FSHR: variants seen among roughly 807,000 people sequenced by gnomAD.
FSHR encodes the protein follicle stimulating hormone receptor, also known as follicle-stimulating hormone receptor.
A neutral mutation model predicts 52.1 loss-of-function variants in FSHR; 46 were observed. The ratio of observed to expected loss-of-function variants is 0.88; its 90% CI spans 0.70 to 1.13. The LOEUF is 1.13. FSHR is among the 50% of genes most tolerant of loss of function. The probability of loss-of-function intolerance (pLI) is 0.00; values close to 1 mark genes in which losing one functional copy is unlikely to be tolerated. For missense variants in FSHR, 964 were observed against 834.6 expected (o/e 1.16, Z -1.91); for synonymous variants, 399 against 309.6 (o/e 1.29, Z -3.03).
At chr2:48,990,543 A>C (rs756541653) in intron 5 of FSHR, 23 bp downstream of exon 5, 1 of 1,484,662 alleles carries the variant, frequency 6.7e-7, no homozygotes, top group South Asian at 1.1e-5. Flanking sequence ...AAGAGTTGGT[A>C]GTCACTCAAG....
chr2:49,150,394 C>T (rs145499539), intron 1 of FSHR, among the ~76,000 whole-genome samples: 3 of 152,076 alleles, frequency 2.0e-5, no homozygotes, highest in African/African-American at 7.2e-5. Context: ...TCTTGACTGA[C>T]TTGGTCCTCA....
intron 1 of FSHR, among the ~76,000 whole-genome samples, chr2:49,104,857 G>T (rs1177338352): frequency 6.6e-6 from 1 of 151,712 alleles, no homozygotes; most frequent in Non-Finnish European, 1.5e-5. Context: ...GGAAAGAGAT[G>T]GGGGGAGGGG....
At chr2:49,090,148 TGTGTGC>T (rs1670551063) in intron 1 of FSHR, among the ~76,000 whole-genome samples, 2 of 147,120 alleles carry the variant, frequency 1.4e-5, no homozygotes, top group Non-Finnish European at 3.0e-5. Flanking sequence ...TGTGTGTGTG[TGTGTGC>T]ATGTGTGTGT....
intron 1 of FSHR, among the ~76,000 whole-genome samples, chr2:49,146,026 G>C (rs1447701104): frequency 6.6e-6 from 1 of 151,994 alleles, no homozygotes; most frequent in Non-Finnish European, 1.5e-5. Flanking sequence ...GAGTTAATTT[G>C]AGGCCAAAAT....
In FSHR at chr2:49,119,570, G is replaced by A. The variant is rs564653068; in HGVS notation, c.152+34696C>T. ...GCATTTTAGATCCTTGGTTTGTTTC[G>A]CTTTCTTTGACAAAATCTGTTATCA... On this transcript the variant is annotated intron_variant, in intron 1 of 9. Coordinates refer to ENST00000406846, the MANE Select transcript of FSHR (RefSeq NM_000145.4). Among the ~76,000 whole-genome samples, 18 of 151,470 alleles carry A rather than the reference G, an allele frequency of 1.2e-4. 1 individual carries two copies. In the South Asian group the frequency reaches 1.9e-3, roughly 16 times the overall value.
Position 48,962,907 on chromosome 2 carries a change from G to A in FSHR, c.1914C>T (p.Phe638=). ...AGCAGCCACACTTGCTCAGCAGAATGAAGAAATCTCTGCGAAAGTTTTTGG... is the reference window on the plus strand; with the variant it reads ...AGCAGCCACACTTGCTCAGCAGAATAAAGAAATCTCTGCGAAAGTTTTTGG... The part of the protein sequence containing the change: ...IFTKNFRRDF[F]ILLSKCGCYE... The change falls in exon 10 of 10, where the codon TTC becomes TTT. Residue 638 remains phenylalanine (F), a synonymous_variant. Transcript: ENST00000406846. The A allele has an allele frequency of 6.2e-7, 1 of 1,614,182 alleles. No individual in the cohort carries two copies. The highest frequency in any genetic ancestry group is 1.1e-5 in the South Asian group (1 of 91,084).
chr2:48,997,091 T>A, intron 4 of FSHR: 1 of 243,760 alleles, frequency 4.1e-6, no homozygotes, highest in Non-Finnish European at 6.6e-6. Context: ...TAAGAAGGCG[T>A]ATGAAAAAGG....
At chr2:49,093,059 C>A (rs1243574921) in intron 1 of FSHR, among the ~76,000 whole-genome samples, 1 of 152,214 alleles carries the variant, frequency 6.6e-6, no homozygotes, top group African/African-American at 2.4e-5. Flanking sequence ...GGATTGCCTT[C>A]AATCTTGCTA....
chr2:49,057,852 C>T (rs183959009), intron 2 of FSHR, among the ~76,000 whole-genome samples: 77 of 152,202 alleles, frequency 5.1e-4, no homozygotes, highest in Non-Finnish European at 9.6e-4. Context: ...CTGAGAAATG[C>T]AAGAATGTTT....
chr2:49,002,585 A>G (rs1666937498), intron 4 of FSHR, among the ~76,000 whole-genome samples: 1 of 152,038 alleles, frequency 6.6e-6, no homozygotes, highest in African/African-American at 2.4e-5. Context: ...AAAGGGGAAA[A>G]GCCCGTTATA....
chr2:49,071,441 T>C (rs1669724629), intron 1 of FSHR, among the ~76,000 whole-genome samples: 1 of 152,114 alleles, frequency 6.6e-6, no homozygotes, highest in Non-Finnish European at 1.5e-5. Flanking sequence ...ATCATTCAAA[T>C]GTGAGGATAA....
chr2:49,103,331 C>G lies in FSHR; in HGVS notation c.153-35041G>C, dbSNP rs551067304. On this transcript the variant is annotated intron_variant, in intron 1 of 9. Transcript: ENST00000406846. The stretch of plus-strand genomic sequence containing the variant: ...GAAATTAAAGGATTGTAAATAAACT[C>G]AGGCTCACATCAAAAAGTGGCACTG... Among the ~76,000 whole-genome samples, 7 of 152,250 alleles carry G rather than the reference C, an allele frequency of 4.6e-5. No homozygotes were observed. In the South Asian group the frequency reaches 1.5e-3, roughly 32 times the overall value.
intron 1 of FSHR, among the ~76,000 whole-genome samples, chr2:49,122,234 C>T (rs935059419): frequency 6.6e-6 from 1 of 152,126 alleles, no homozygotes; most frequent in Non-Finnish European, 1.5e-5. Flanking sequence ...TGAAAACAGA[C>T]TGACAGACCT....
chr2:49,111,753 A>G (rs1284898189), intron 1 of FSHR, among the ~76,000 whole-genome samples: 2 of 152,002 alleles, frequency 1.3e-5, no homozygotes, highest in Admixed American at 1.3e-4. Context: ...TCTGGGAACC[A>G]TAATGGCTTA....
chr2:49,010,814 G>A (rs1429947039), intron 4 of FSHR, among the ~76,000 whole-genome samples: 47 of 152,200 alleles, frequency 3.1e-4, no homozygotes, highest in Non-Finnish European at 4.0e-4. Flanking sequence ...GTTTATTTGC[G>A]TAGAGGTGTT....
At chr2:49,001,623 T>A (rs138252920) in intron 4 of FSHR, among the ~76,000 whole-genome samples, 1 of 152,302 alleles carries the variant, frequency 6.6e-6, no homozygotes, top group Non-Finnish European at 1.5e-5. Context: ...TTCCCACAAC[T>A]CATTTCTAAT....
chr2:49,152,681 A>G (rs1265106037), intron 1 of FSHR, among the ~76,000 whole-genome samples: 1 of 152,162 alleles, frequency 6.6e-6, no homozygotes, highest in African/African-American at 2.4e-5. Flanking sequence ...ACTGGATGAC[A>G]CTGCTTGACC....
intron 4 of FSHR, among the ~76,000 whole-genome samples, chr2:48,998,904 CT>C (rs1363051138): frequency 6.6e-6 from 1 of 151,998 alleles, no homozygotes; most frequent in Non-Finnish European, 1.5e-5. Flanking sequence ...TATTATTCAT[CT>C]TGATTTCATT....
intron 2 of FSHR, among the ~76,000 whole-genome samples, chr2:49,027,306 T>C (rs996696268): frequency 2.0e-5 from 3 of 152,250 alleles, no homozygotes; most frequent in African/African-American, 7.2e-5. Context: ...ATGTTGGTCA[T>C]AGGTCATCTG....
Sources: gnomAD v4.1 joint callset for allele counts (sites outside exome capture counted in the v4.1 genomes callset) on GRCh38, gnomAD v4.1.1 for gene constraint, MANE v1.5 for transcripts, NCBI Gene and HGNC (gene_info 2026-07-23, HGNC 2026-07-21) for gene names.